ANK2: variants seen among roughly 807,000 people sequenced by gnomAD.
ANK2 encodes ankyrin 2.
In ANK2, 83 loss-of-function variants were observed where a neutral mutation model predicts 360.5. The observed-to-expected ratio is 0.23, with a 90% confidence interval of 0.19 to 0.28. The LOEUF (loss-of-function observed/expected upper bound fraction) is 0.28. ANK2 is among the 10% of genes least tolerant of loss of function. The pLI, the probability that ANK2 is intolerant of heterozygous loss-of-function variation, is 1.00. For missense variants in ANK2, 4,201 were observed against 4,795.7 expected, an observed-to-expected ratio of 0.88 and a Z score of 3.66; for synonymous variants, 1,740 against 1,759.5, an observed-to-expected ratio of 0.99 and a Z score of 0.28.
chr4:112,892,249 G>T (rs996739955), intron 1 of ANK2, among the ~76,000 whole-genome samples: 1 of 152,158 alleles, frequency 6.6e-6, no homozygotes, highest in Non-Finnish European at 1.5e-5. Context: ...AAATTTTATT[G>T]GTGTTATGTG....
At chr4:113,260,451 C>A (rs1457127804) in intron 13 of ANK2, among the ~76,000 whole-genome samples, 1 of 152,086 alleles carries the variant, frequency 6.6e-6, no homozygotes, top group Admixed American at 6.6e-5. Context: ...ATCTTTCCAT[C>A]CAGCTCCCTC....
chr4:112,854,609 C>A (rs2065877688), intron 1 of ANK2, among the ~76,000 whole-genome samples: 1 of 152,068 alleles, frequency 6.6e-6, no homozygotes, highest in Admixed American at 6.6e-5. Context: ...GACTAAATGG[C>A]TGTCTGAATG....
intron 2 of ANK2, among the ~76,000 whole-genome samples, chr4:113,035,081 T>G (rs1272757193): frequency 6.6e-6 from 1 of 151,852 alleles, no homozygotes; most frequent in East Asian, 1.9e-4. Context: ...TTTTCTACTA[T>G]TCTAGATGTT....
chr4:113,356,659 C>G lies in ANK2; in HGVS notation c.8041C>G (p.Leu2681Val), dbSNP rs1489919946. The change falls in exon 38 of 46, where the codon CTT becomes GTT. Residue 2681 changes from leucine (L) to valine (V), a missense_variant. Physicochemically the swap from Leu to Val is conservative, Grantham distance 32. Coordinates refer to ENST00000357077, the MANE Select transcript of ANK2 (RefSeq NM_001148.6). ...GCTTAAAAAAGGTGCTGACTCAGGC[C>G]TTTTACCAGAACCAGTGATTCGAGT... ...AQLKKGADSG[L>V]LPEPVIRVQP... is the part of the protein sequence containing the mutation. 5 of 1,613,992 alleles carry G rather than the reference C, an allele frequency of 3.1e-6. No individual in the cohort carries two copies. In the African/African-American group the frequency reaches 6.7e-5, roughly 22 times the overall value.
chr4:113,249,502 C>A (rs2044922133), intron 9 of ANK2, among the ~76,000 whole-genome samples: 1 of 152,188 alleles, frequency 6.6e-6, no homozygotes, highest in Non-Finnish European at 1.5e-5. Flanking sequence ...ACCCTCTGTC[C>A]ACACAGGGGA....
the ANK2 span, among the ~76,000 whole-genome samples, chr4:112,723,179 G>A: frequency 6.6e-6 from 1 of 152,198 alleles, no homozygotes; most frequent in South Asian, 2.1e-4. Flanking sequence ...TTAAGTTACT[G>A]GTTACTTGCT....
intron 26 of ANK2, among the ~76,000 whole-genome samples, chr4:113,326,149 G>T (rs1446482135): frequency 6.6e-6 from 1 of 151,984 alleles, no homozygotes; most frequent in African/African-American, 2.4e-5. Flanking sequence ...TTTTTTTTAT[G>T]CTTATTTGCA....
intron 24 of ANK2, among the ~76,000 whole-genome samples, chr4:113,311,919 G>A (rs2153820833): frequency 6.6e-6 from 1 of 152,248 alleles, no homozygotes; most frequent in South Asian, 2.1e-4. Context: ...AATCCCACGA[G>A]AGCCTGGATA....
At chr4:112,815,535 T>G (rs938588065), upstream of ANK2, among the ~76,000 whole-genome samples, 1 of 152,238 alleles carries the variant, frequency 6.6e-6, no homozygotes, top group Non-Finnish European at 1.5e-5. Context: ...GAGTTTATGC[T>G]AATGAGGTGA....
chr4:112,725,136 G>C, the ANK2 span, among the ~76,000 whole-genome samples: 1 of 151,442 alleles, frequency 6.6e-6, no homozygotes, highest in Non-Finnish European at 1.5e-5. Context: ...AAAAAAATTA[G>C]TTGGCCATGG....
intron 1 of ANK2, among the ~76,000 whole-genome samples, chr4:113,095,289 A>G (rs916569764): frequency 5.3e-5 from 8 of 152,084 alleles, no homozygotes; most frequent in African/African-American, 1.9e-4. Context: ...TACTGTGTTG[A>G]TGCTTCAGAA....
chr4:113,212,545 G>A (rs1403447244), intron 4 of ANK2, among the ~76,000 whole-genome samples: 1 of 152,208 alleles, frequency 6.6e-6, no homozygotes, highest in East Asian at 1.9e-4. Context: ...AGGCAGCATA[G>A]TGAAATGGAT....
At chr4:112,855,149 T>G (rs2066035226) in intron 1 of ANK2, among the ~76,000 whole-genome samples, 1 of 152,218 alleles carries the variant, frequency 6.6e-6, no homozygotes, top group South Asian at 2.1e-4. Flanking sequence ...GCTAGGGCTA[T>G]GTATTTACAG....
intron 2 of ANK2, among the ~76,000 whole-genome samples, chr4:113,027,312 A>C (rs1356720762): frequency 1.3e-5 from 2 of 152,132 alleles, no homozygotes; most frequent in Non-Finnish European, 2.9e-5. Flanking sequence ...AATATACGCT[A>C]TCTCTCCTGT....
chr4:112,992,968 C>T (rs527411905), intron 2 of ANK2, among the ~76,000 whole-genome samples: 3 of 151,634 alleles, frequency 2.0e-5, no homozygotes, highest in African/African-American at 7.3e-5. Flanking sequence ...TTCCTGATAC[C>T]CTTCATTAAT....
intron 1 of ANK2, among the ~76,000 whole-genome samples, chr4:112,883,213 A>C (rs1489073555): frequency 6.6e-6 from 1 of 150,998 alleles, no homozygotes; most frequent in Non-Finnish European, 1.5e-5. Flanking sequence ...TAATTTTTGT[A>C]TTTTTAGTAG....
chr4:112,964,877 C>T (rs2154262735), intron 2 of ANK2, among the ~76,000 whole-genome samples: 1 of 152,284 alleles, frequency 6.6e-6, no homozygotes, highest in African/African-American at 2.4e-5. Flanking sequence ...CCATGTACCA[C>T]ATTTTCTTTG....
chr4:112,945,042 A>G (rs1179165876), intron 2 of ANK2, among the ~76,000 whole-genome samples: 2 of 152,246 alleles, frequency 1.3e-5, no homozygotes, highest in Admixed American at 6.5e-5. Context: ...AATAGCCCCT[A>G]ACCTTAGTTG....
At chr4:113,086,014 T>C (rs186754709) in intron 1 of ANK2, among the ~76,000 whole-genome samples, 2 of 152,342 alleles carry the variant, frequency 1.3e-5, no homozygotes, top group African/African-American at 4.8e-5. Flanking sequence ...GTAAGTTAAT[T>C]TACTGACAAA....
Sources: gnomAD v4.1 joint callset for allele counts (sites outside exome capture counted in the v4.1 genomes callset) on GRCh38, gnomAD v4.1.1 for gene constraint, MANE v1.5 for transcripts, NCBI Gene and HGNC (gene_info 2026-07-23, HGNC 2026-07-21) for gene names.